GPHN: variants seen among roughly 807,000 people sequenced by gnomAD.
GPHN encodes the protein gephyrin.
Under a neutral mutation model 95.5 loss-of-function variants are expected in GPHN, and 17 were observed. That is an observed-to-expected ratio of 0.18 (90% confidence interval 0.12 to 0.27). The LOEUF is 0.27. Among genes scored for constraint, GPHN ranks in the 10% least tolerant of loss-of-function variants. GPHN has a pLI of 1.00. For synonymous variants in GPHN, 320 were observed against 322.5 expected, an observed-to-expected ratio of 0.99 and a Z score of 0.08; for missense variants, 660 against 978.1, an observed-to-expected ratio of 0.67 and a Z score of 4.34.
chr14:66,924,110 C>A, intron 7 of GPHN, 84 bp from the exon 8 acceptor site: 2 of 784,858 alleles, frequency 2.5e-6, no homozygotes, highest in Non-Finnish European at 4.5e-6. Context: ...TTGTTTTTAC[C>A]TTTTTTCCTT....
the GPHN span, among the ~76,000 whole-genome samples, chr14:67,413,145 AATAG>A: frequency 6.6e-6 from 1 of 152,262 alleles, no homozygotes; most frequent in Non-Finnish European, 1.5e-5. Context: ...TAACATTTTA[AATAG>A]ATAGGATCAA....
intron 1 of GPHN, among the ~76,000 whole-genome samples, chr14:66,603,878 GT>G (rs2062384169): frequency 6.6e-6 from 1 of 151,924 alleles, no homozygotes; most frequent in Admixed American, 6.6e-5. Flanking sequence ...ACATTTAATA[GT>G]TTGATTATAC....
chr14:66,884,182 G>A (rs957222445), intron 5 of GPHN, among the ~76,000 whole-genome samples: 6 of 151,966 alleles, frequency 3.9e-5, no homozygotes, highest in Non-Finnish European at 8.8e-5. Context: ...AGATAGGTAG[G>A]TCTTCTCTCT....
intron 8 of GPHN, among the ~76,000 whole-genome samples, chr14:66,932,446 T>TG (rs2066858916): frequency 2.3e-5 from 2 of 86,200 alleles, no homozygotes; most frequent in East Asian, 2.7e-4. Flanking sequence ...AAGACCAGGT[T>TG]TTTTTTTTTT....
intron 1 of GPHN, among the ~76,000 whole-genome samples, chr14:66,545,938 G>T (rs1000408919): frequency 6.6e-6 from 1 of 151,642 alleles, no homozygotes; most frequent in Non-Finnish European, 1.5e-5. Context: ...CCTGGACGGG[G>T]TGGCTGCCGG....
chr14:66,658,752 A>G (rs1472764504), intron 1 of GPHN, among the ~76,000 whole-genome samples: 1 of 152,162 alleles, frequency 6.6e-6, no homozygotes, highest in Non-Finnish European at 1.5e-5. Flanking sequence ...GGAAAACCAA[A>G]AAGTTGTGAG....
At chr14:67,263,164 CTGT>C in the GPHN span, among the ~76,000 whole-genome samples, 5 of 152,056 alleles carry the variant, frequency 3.3e-5, no homozygotes, top group African/African-American at 1.2e-4. Flanking sequence ...AGGGAATTTT[CTGT>C]TGATGAAAAA....
At chr14:67,461,270 C>T in the GPHN span, among the ~76,000 whole-genome samples, 1 of 152,154 alleles carries the variant, frequency 6.6e-6, no homozygotes, top group South Asian at 2.1e-4. Flanking sequence ...CTATTATTGG[C>T]CACATTTTCA....
the GPHN span, among the ~76,000 whole-genome samples, chr14:67,671,969 AT>A: frequency 2.0e-5 from 3 of 152,258 alleles, no homozygotes; most frequent in Non-Finnish European, 2.9e-5. Context: ...TAGCAAATAA[AT>A]GTCAACATAA....
chr14:66,832,559 T>G (rs745434512), intron 4 of GPHN, among the ~76,000 whole-genome samples: 2 of 152,220 alleles, frequency 1.3e-5, no homozygotes, highest in Non-Finnish European at 2.9e-5. Flanking sequence ...GGTTTTATAA[T>G]TATTTTTGTA....
At chr14:67,111,163 C>T (rs1399615169) in intron 14 of GPHN, among the ~76,000 whole-genome samples, 3 of 152,174 alleles carry the variant, frequency 2.0e-5, no homozygotes, top group African/African-American at 4.8e-5. Flanking sequence ...ATCACCTTTC[C>T]ATATGTAAGG....
At chr14:66,573,450 C>CTTTT (rs369274048) in intron 1 of GPHN, among the ~76,000 whole-genome samples, 3 of 137,456 alleles carry the variant, frequency 2.2e-5, no homozygotes, top group Non-Finnish European at 3.2e-5. Context: ...ATATAATAAC[C>CTTTT]TTTTTTTTTT....
intron 2 of GPHN, among the ~76,000 whole-genome samples, chr14:66,768,128 T>C (rs1376697986): frequency 6.6e-6 from 1 of 151,866 alleles, no homozygotes; most frequent in Non-Finnish European, 1.5e-5. Flanking sequence ...AACTGGGAAT[T>C]TTTAAGTTAC....
intron 1 of GPHN, among the ~76,000 whole-genome samples, chr14:66,585,002 T>G (rs1187029886): frequency 6.6e-6 from 1 of 152,220 alleles, no homozygotes; most frequent in Non-Finnish European, 1.5e-5. Context: ...AATTTGGCTG[T>G]GAATCCATCT....
At chr14:67,144,776 C>A (rs2080800429) in intron 18 of GPHN, among the ~76,000 whole-genome samples, 1 of 152,162 alleles carries the variant, frequency 6.6e-6, no homozygotes, top group Admixed American at 6.5e-5. Context: ...CAGAACTTAG[C>A]AACCTGAACA....
the GPHN span, among the ~76,000 whole-genome samples, chr14:67,257,806 T>G: frequency 1.3e-5 from 2 of 152,170 alleles, no homozygotes; most frequent in African/African-American, 4.8e-5. Context: ...TTCTTCATAG[T>G]AGGTTTAATG....
chr14:67,359,843 C>T, the GPHN span: 1 of 821,914 alleles, frequency 1.2e-6, no homozygotes, highest in Non-Finnish European at 1.9e-6. Context: ...GCAGCAGGGA[C>T]ACCCATTTTC....
At chr14:67,299,241 G>A in the GPHN span, among the ~76,000 whole-genome samples, 2 of 151,966 alleles carry the variant, frequency 1.3e-5, no homozygotes, top group African/African-American at 2.4e-5. Context: ...CATTTTAATC[G>A]TCTTGAGTTG....
intron 4 of GPHN, among the ~76,000 whole-genome samples, chr14:66,850,214 G>T (rs2062522533): frequency 6.6e-6 from 1 of 152,024 alleles, no homozygotes; most frequent in South Asian, 2.1e-4. Context: ...AATACACTTA[G>T]CTACTATTAG....
Sources: allele counts gnomAD v4.1 joint callset (sites outside exome capture counted in the v4.1 genomes callset), GRCh38; gene constraint gnomAD v4.1.1; transcripts MANE v1.5; gene names NCBI Gene and HGNC (gene_info 2026-07-23, HGNC 2026-07-21).